The following DLGAP1 variants were observed in gnomAD, a reference collection of about 807,000 sequenced individuals.
DLGAP1 encodes the protein disks large-associated protein 1.
In DLGAP1, 11 loss-of-function variants were observed where a neutral mutation model predicts 90.8. That is an observed-to-expected ratio of 0.12 (90% confidence interval 0.08 to 0.20). The LOEUF is 0.20. DLGAP1 is among the 10% of genes least tolerant of loss of function. DLGAP1 has a pLI of 1.00. For synonymous variants in DLGAP1, 558 were observed against 540.7 expected (o/e 1.03, Z -0.44); for missense variants, 1,050 against 1,333.8 (o/e 0.79, Z 3.31).
At position 3,499,501 on chromosome 18, in the gene DLGAP1, GTT is replaced by G; in HGVS notation, c.2725-109_2725-108del. 1 of 1,209,464 alleles carries G rather than the reference GTT, an allele frequency of 8.3e-7. No individual in the cohort carries two copies. Among genetic ancestry groups the G allele is most frequent in the Non-Finnish European group, 1.2e-6 (1 of 863,742 alleles). 74.9% of individuals were successfully genotyped at this position (1,209,464 alleles called of 1,614,324 possible). A position where few individuals can be genotyped will look rare whatever the true frequency, so the allele number is the denominator to read the frequency against. ...ACACACAGTTTTTTACCTAGGGGTG[GTT>G]AGTTCTGATCTGCACACTGCATATC... On this transcript the variant is annotated intron_variant, in intron 12 of 12. Coordinates refer to ENST00000315677, the MANE Select transcript of DLGAP1 (RefSeq NM_004746.4). This position sits in a 1 kb window ranked among gnomAD's most constrained non-coding sequence, Gnocchi z 6.4.
intron 7 of DLGAP1, among the ~76,000 whole-genome samples, chr18:3,635,234 C>T (rs773413582): frequency 6.5e-4 from 98 of 151,718 alleles, no homozygotes; most frequent in Non-Finnish European, 1.1e-3. Context: ...GGGTTCACGC[C>T]ATTCTCCTGC....
intron 3 of DLGAP1, among the ~76,000 whole-genome samples, chr18:3,924,643 A>T (rs2148917474): frequency 6.6e-6 from 1 of 152,226 alleles, no homozygotes; most frequent in South Asian, 2.1e-4. Context: ...TTTTCCCCAC[A>T]TTGATGGTGA....
At chr18:4,224,742 T>C (rs1433944480) in intron 1 of DLGAP1, among the ~76,000 whole-genome samples, 1 of 151,656 alleles carries the variant, frequency 6.6e-6, no homozygotes, top group African/African-American at 2.4e-5. Context: ...TGGGCCCATA[T>C]CTCTGGACCC....
chr18:4,068,120 C>T (rs1415993593), intron 2 of DLGAP1, among the ~76,000 whole-genome samples: 1 of 151,760 alleles, frequency 6.6e-6, no homozygotes, highest in Middle Eastern at 3.2e-3. Flanking sequence ...TGTTTTGTTT[C>T]TCCTTTGCAT....
intron 3 of DLGAP1, among the ~76,000 whole-genome samples, chr18:3,976,803 A>G (rs2073590915): frequency 6.6e-6 from 1 of 152,196 alleles, no homozygotes; most frequent in Non-Finnish European, 1.5e-5. Context: ...TCTGTATTAA[A>G]TTATAACGTT....
At chr18:4,192,720 T>A (rs930347479) in intron 1 of DLGAP1, among the ~76,000 whole-genome samples, 3 of 152,108 alleles carry the variant, frequency 2.0e-5, no homozygotes, top group Non-Finnish European at 4.4e-5. Context: ...GAATAAATGT[T>A]CCCTAAGGTA....
At chr18:4,389,473 T>A (rs1598339152) in intron 1 of DLGAP1, among the ~76,000 whole-genome samples, 2 of 152,210 alleles carry the variant, frequency 1.3e-5, no homozygotes, top group Admixed American at 1.3e-4. Flanking sequence ...ACTACTGAAC[T>A]GTACACTTAA....
At chr18:4,219,878 T>C (rs929542704) in intron 1 of DLGAP1, among the ~76,000 whole-genome samples, 2 of 152,154 alleles carry the variant, frequency 1.3e-5, no homozygotes, top group African/African-American at 4.8e-5. Flanking sequence ...TTTTGATTAA[T>C]ACATCTTTGT....
chr18:4,308,919 G>A (rs2080331406), intron 1 of DLGAP1, among the ~76,000 whole-genome samples: 1 of 152,138 alleles, frequency 6.6e-6, no homozygotes, highest in African/African-American at 2.4e-5. Flanking sequence ...AAGATACAGA[G>A]GCCAGAACAA....
chr18:3,800,138 A>G (rs187054300), intron 5 of DLGAP1, among the ~76,000 whole-genome samples: 5 of 152,188 alleles, frequency 3.3e-5, no homozygotes, highest in East Asian at 3.9e-4. Flanking sequence ...ATACTTTCCT[A>G]TTTTGGTGGG....
At chr18:3,936,543 G>T (rs1385079449) in intron 3 of DLGAP1, among the ~76,000 whole-genome samples, 1 of 152,128 alleles carries the variant, frequency 6.6e-6, no homozygotes, top group African/African-American at 2.4e-5. Flanking sequence ...TATGCATTTA[G>T]CCATTATTTC....
At chr18:4,348,378 G>T (rs1443195703) in intron 1 of DLGAP1, among the ~76,000 whole-genome samples, 2 of 146,700 alleles carry the variant, frequency 1.4e-5, no homozygotes, top group Admixed American at 1.4e-4. Context: ...CTGGAATCAG[G>T]TGCCTCAGGA....
At chr18:3,629,085 GA>G (rs560668437) in intron 7 of DLGAP1, among the ~76,000 whole-genome samples, 2 of 152,152 alleles carry the variant, frequency 1.3e-5, no homozygotes, top group Non-Finnish European at 2.9e-5. Flanking sequence ...CAGTGCATGA[GA>G]ATTCCTATTG....
At chr18:4,070,594 A>G (rs895689244) in intron 2 of DLGAP1, among the ~76,000 whole-genome samples, 1 of 152,066 alleles carries the variant, frequency 6.6e-6, no homozygotes, top group Non-Finnish European at 1.5e-5. Context: ...TAAGAGAAAC[A>G]GCAGTCAGAA....
rs2050888270 is a variant in DLGAP1 at position 3,517,091 on chromosome 18, C to T, written c.2480-8430G>A. Among the ~76,000 whole-genome samples the T allele has an allele frequency of 6.6e-6, 1 of 152,210 alleles. No individual in the cohort carries two copies. Among genetic ancestry groups the T allele is most frequent in the African/African-American group, 2.4e-5 (1 of 41,448 alleles). The stretch of plus-strand genomic sequence containing the variant: ...AAACCATGCTGTGAATAGAGATACT[C>T]TCATCTAGGCTCTGTTGTTCTACTT... On this transcript the variant is annotated intron_variant, in intron 10 of 12. Coordinates refer to ENST00000315677, the MANE Select transcript of DLGAP1 (RefSeq NM_004746.4). This position sits in a 1 kb window ranked among gnomAD's most constrained non-coding sequence, Gnocchi z 4.1.
At chr18:3,562,755 T>C (rs188322061) in intron 9 of DLGAP1, among the ~76,000 whole-genome samples, 13 of 150,650 alleles carry the variant, frequency 8.6e-5, no homozygotes, top group African/African-American at 3.2e-4. Flanking sequence ...TCTCCGAAAG[T>C]GTTGGGATTA....
intron 5 of DLGAP1, among the ~76,000 whole-genome samples, chr18:3,749,948 G>A (rs1641940789): frequency 1.3e-5 from 2 of 152,008 alleles, no homozygotes; most frequent in African/African-American, 4.8e-5. Flanking sequence ...ATTTAAATAT[G>A]GTTTCTTCTC....
chr18:4,364,962 G>A (rs943654952), intron 1 of DLGAP1, among the ~76,000 whole-genome samples: 2 of 152,100 alleles, frequency 1.3e-5, no homozygotes, highest in Non-Finnish European at 2.9e-5. Context: ...GTAATTGTAT[G>A]GTTTTGAGTG....
chr18:3,659,194 G>T (rs950534708), intron 7 of DLGAP1, among the ~76,000 whole-genome samples: 3 of 152,046 alleles, frequency 2.0e-5, no homozygotes, highest in Non-Finnish European at 4.4e-5. Flanking sequence ...ACACAAAATT[G>T]TACAACGAGT....
Sources: allele counts gnomAD v4.1 joint callset (sites outside exome capture counted in the v4.1 genomes callset), GRCh38; gene constraint gnomAD v4.1.1; non-coding constraint Gnocchi (gnomAD v3.1); transcripts MANE v1.5; gene names NCBI Gene and HGNC (gene_info 2026-07-23, HGNC 2026-07-21).